The following TPP2 variants were observed in gnomAD, a reference collection of about 807,000 sequenced individuals.
The protein encoded by TPP2 is tripeptidyl peptidase 2.
Under a neutral mutation model 155.9 loss-of-function variants are expected in TPP2, and 34 were observed. The observed-to-expected ratio is 0.22, with a 90% CI of 0.17 to 0.29. TPP2 has a LOEUF of 0.29. Ranked by LOEUF, TPP2 falls within the 10% of genes least tolerant of loss-of-function variation. The pLI is 1.00. For missense variants in TPP2, 1,028 were observed against 1,522.3 expected, an observed-to-expected ratio of 0.68 and a Z score of 5.40; for synonymous variants, 510 against 529.4, an observed-to-expected ratio of 0.96 and a Z score of 0.50.
chr13:102,662,370 C>A (rs1043005255), intron 25 of TPP2, among the ~76,000 whole-genome samples: 3 of 152,044 alleles, frequency 2.0e-5, no homozygotes, highest in Non-Finnish European at 4.4e-5. Context: ...TGCTAGAAAG[C>A]ATTGAAATTC....
intron 11 of TPP2, among the ~76,000 whole-genome samples, chr13:102,634,875 C>A (rs1439076192): frequency 6.6e-6 from 1 of 152,222 alleles, no homozygotes; most frequent in East Asian, 1.9e-4. Context: ...GTACTGCACT[C>A]TGCCTCGAAG....
intron 16 of TPP2, among the ~76,000 whole-genome samples, chr13:102,642,438 T>A (rs1882827766): frequency 1.3e-5 from 2 of 152,128 alleles, no homozygotes; most frequent in Admixed American, 1.3e-4. Flanking sequence ...TTTGTTTTTT[T>A]AAATAAAAAT....
At chr13:102,643,122 C>T in intron 16 of TPP2, 100 bp from the exon 17 acceptor site, 1 of 1,132,154 alleles carries the variant, frequency 8.8e-7, no homozygotes, top group South Asian at 2.0e-5. Context: ...TATTATGTCC[C>T]TACATGGGAA....
At chr13:102,651,296 G>C in intron 23 of TPP2, 63 bp from the exon 24 acceptor site, 3 of 1,512,074 alleles carry the variant, frequency 2.0e-6, no homozygotes, top group Non-Finnish European at 2.7e-6. Flanking sequence ...TTAGACAGAG[G>C]TTCTGTCTCC....
rs901497598 is a variant in TPP2 at position 102,655,994 on chromosome 13, G to A, written c.2992-1062G>A. ...TTTCAACATTGTCAGCAACACATTG[G>A]TTCTACCTTTAAAGAAGATCTCAAA... On this transcript the variant is annotated intron_variant, in intron 24 of 29. Transcript: ENST00000376052. Among the ~76,000 whole-genome samples the A allele has an allele frequency of 2.6e-5, 4 of 151,948 alleles. No individual in the cohort carries two copies. In the South Asian group the frequency reaches 8.3e-4, roughly 32 times the overall value.
At chr13:102,633,383 A>C (rs1362424923) in intron 10 of TPP2, among the ~76,000 whole-genome samples, 4 of 152,358 alleles carry the variant, frequency 2.6e-5, no homozygotes, top group South Asian at 4.1e-4. Context: ...TACAAAAAAA[A>C]CAATGTAAAC....
intron 24 of TPP2, among the ~76,000 whole-genome samples, chr13:102,653,677 T>G (rs1883662374): frequency 2.0e-5 from 3 of 152,222 alleles, no homozygotes; most frequent in South Asian, 4.1e-4. Context: ...ATTACAGACA[T>G]GAGCCACTGC....
At chr13:102,612,933 A>G (rs1030320174) in intron 2 of TPP2, among the ~76,000 whole-genome samples, 1 of 152,226 alleles carries the variant, frequency 6.6e-6, no homozygotes, top group African/African-American at 2.4e-5. Flanking sequence ...GCTGCTAGCC[A>G]CCTGTGTAGT....
chr13:102,629,208 CG>C (rs1456076903), intron 8 of TPP2, among the ~76,000 whole-genome samples: 4 of 152,106 alleles, frequency 2.6e-5, no homozygotes, highest in Non-Finnish European at 4.4e-5. Flanking sequence ...ACCTATTGCC[CG>C]AGTCACTACT....
chr13:102,671,864 C>G (rs531018629), intron 27 of TPP2, among the ~76,000 whole-genome samples: 1 of 152,054 alleles, frequency 6.6e-6, no homozygotes, highest in East Asian at 1.9e-4. Context: ...CTTAATTGAG[C>G]CTGCGAAACC....
intron 24 of TPP2, among the ~76,000 whole-genome samples, chr13:102,651,914 AG>A (rs1883515497): frequency 6.6e-6 from 1 of 152,212 alleles, no homozygotes; most frequent in Admixed American, 6.5e-5. Context: ...TGGATGTAGC[AG>A]GAACAGAAAT....
intron 14 of TPP2, 110 bp from the exon 15 acceptor site, chr13:102,638,129 A>G (rs963414128): frequency 2.3e-5 from 24 of 1,034,378 alleles, no homozygotes; most frequent in Non-Finnish European, 3.4e-5. Flanking sequence ...ACCTCTGGTT[A>G]AGACCTTGAT....
intron 25 of TPP2, among the ~76,000 whole-genome samples, chr13:102,662,613 CTT>C (rs1884308617): frequency 6.6e-6 from 1 of 152,056 alleles, no homozygotes; most frequent in African/African-American, 2.4e-5. Flanking sequence ...AAAAACAGGA[CTT>C]AATTTTTTTT....
At chr13:102,610,843 A>G (rs765119836) in intron 2 of TPP2, among the ~76,000 whole-genome samples, 10 of 152,246 alleles carry the variant, frequency 6.6e-5, no homozygotes, top group Non-Finnish European at 1.0e-4. Flanking sequence ...TATGAATAGT[A>G]TAGCTAACAC....
At chr13:102,653,713 A>G (rs1349072428) in intron 24 of TPP2, among the ~76,000 whole-genome samples, 5 of 152,226 alleles carry the variant, frequency 3.3e-5, no homozygotes, top group South Asian at 2.1e-4. Flanking sequence ...TGTCACTTTT[A>G]ACAGATCATA....
chr13:102,668,927 C>T (rs679070), intron 27 of TPP2, among the ~76,000 whole-genome samples: 100,903 of 151,894 alleles, frequency 0.66, 33,708 homozygotes, highest in Middle Eastern at 0.7. Context: ...GGCTATGGGT[C>T]CCACAGGGTC....
At chr13:102,615,955 C>A (rs916295097) in intron 3 of TPP2, among the ~76,000 whole-genome samples, 19 of 147,858 alleles carry the variant, frequency 1.3e-4, no homozygotes, top group Admixed American at 1.3e-3. Context: ...TCATTAGAAA[C>A]TTTTTTTTTT....
In TPP2 at chr13:102,614,217, A is replaced by G. The variant is rs757729346; in HGVS notation, c.390+21A>G. ...TACAGGTAATGTACAATCTGGTACC[A>G]ATGAGTTGTATTCTTCTGACTTGTC... On this transcript the variant is annotated intron_variant, in intron 3 of 29. Transcript: ENST00000376052. 4 of 1,553,908 alleles carry G rather than the reference A, an allele frequency of 2.6e-6. No homozygotes were observed. In the Admixed American group the frequency reaches 5.4e-5, roughly 21 times the overall value.
At chr13:102,635,503 C>CT (rs1882309997) in intron 11 of TPP2, 84 bp from the exon 12 acceptor site, 2 of 921,682 alleles carry the variant, frequency 2.2e-6, no homozygotes, top group Admixed American at 3.7e-5. Flanking sequence ...ACCAGAGGGT[C>CT]TACAGGTGAT....
Sources: gnomAD v4.1 joint callset for allele counts (sites outside exome capture counted in the v4.1 genomes callset) on GRCh38, gnomAD v4.1.1 for gene constraint, MANE v1.5 for transcripts, NCBI Gene and HGNC (gene_info 2026-07-23, HGNC 2026-07-21) for gene names.